The following LOC128092253 variants were observed in gnomAD, a reference collection of about 807,000 sequenced individuals.
the LOC128092253 span, among the ~76,000 whole-genome samples, chr6:133,954,089 T>G: frequency 2.6e-5 from 4 of 152,166 alleles, no homozygotes; most frequent in African/African-American, 9.7e-5. Flanking sequence ...GTAAATCTAA[T>G]AGGGCATGAG....
the LOC128092253 span, among the ~76,000 whole-genome samples, chr6:133,971,160 T>TA: frequency 3.3e-5 from 5 of 151,974 alleles, no homozygotes; most frequent in South Asian, 8.3e-4. Flanking sequence ...TTTTTTTTTT[T>TA]AAGATTCCAC....
At chr6:133,961,465 CTTTTTTTT>C in the LOC128092253 span, among the ~76,000 whole-genome samples, 2 of 100,206 alleles carry the variant, frequency 2.0e-5, no homozygotes, top group Admixed American at 1.1e-4. Context: ...TTCTTTCTTT[CTTTTTTTT>C]TTTTTTTTTT....
chr6:133,968,775 T>C, the LOC128092253 span: 1 of 152,210 alleles, frequency 6.6e-6, no homozygotes, highest in Non-Finnish European at 1.5e-5. Flanking sequence ...GTTCAAGCAG[T>C]TCTCTTGCCT....
the LOC128092253 span, among the ~76,000 whole-genome samples, chr6:133,957,219 G>T: frequency 1.3e-5 from 2 of 152,170 alleles, no homozygotes; most frequent in Non-Finnish European, 2.9e-5. Context: ...ATGTGCCTTT[G>T]TGTGGGAGTC....
the LOC128092253 span, among the ~76,000 whole-genome samples, chr6:133,968,383 A>G: frequency 0.02 from 3,048 of 152,316 alleles, 72 homozygotes; most frequent in East Asian, 0.11. Context: ...TCATATGCCA[A>G]ATTTCTCATC....
At chr6:133,964,575 G>A in the LOC128092253 span, among the ~76,000 whole-genome samples, 16 of 150,284 alleles carry the variant, frequency 1.1e-4, no homozygotes, top group Admixed American at 2.6e-4. Context: ...CTCAGCCTCC[G>A]AGTAGCTGGG....
chr6:133,975,653 A>G, the LOC128092253 span, among the ~76,000 whole-genome samples: 1 of 152,228 alleles, frequency 6.6e-6, no homozygotes, highest in Non-Finnish European at 1.5e-5. Flanking sequence ...GTATTAGCAA[A>G]CCAGATTCAT....
chr6:133,954,718 G>T, the LOC128092253 span, among the ~76,000 whole-genome samples: 4 of 152,168 alleles, frequency 2.6e-5, no homozygotes, highest in Non-Finnish European at 5.9e-5. Flanking sequence ...CACAGCTTCT[G>T]TTTGTTCCCC....
chr6:133,953,875 C>T, the LOC128092253 span, among the ~76,000 whole-genome samples: 16 of 152,178 alleles, frequency 1.1e-4, no homozygotes, highest in Admixed American at 1.0e-3. Flanking sequence ...AGCGGCTTCT[C>T]TAATAGCTCC....
chr6:133,961,499 TGCTCTGTC>T, the LOC128092253 span, among the ~76,000 whole-genome samples: 1 of 144,662 alleles, frequency 6.9e-6, no homozygotes, highest in South Asian at 2.2e-4. Flanking sequence ...GACGGAGTCG[TGCTCTGTC>T]ACCCATGCTA....
the LOC128092253 span, chr6:133,979,963 T>C: frequency 6.2e-6 from 5 of 811,296 alleles, no homozygotes; most frequent in Non-Finnish European, 8.6e-6. Flanking sequence ...ATGATTTGAT[T>C]CTAGTAACAT....
the LOC128092253 span, among the ~76,000 whole-genome samples, chr6:133,955,165 T>C: frequency 1.3e-5 from 2 of 151,212 alleles, no homozygotes; most frequent in Admixed American, 1.3e-4. Context: ...GGGTTATCTT[T>C]GTGCATATGA....
At chr6:133,964,512 A>G in the LOC128092253 span, among the ~76,000 whole-genome samples, 1 of 147,294 alleles carries the variant, frequency 6.8e-6, no homozygotes, top group Admixed American at 6.8e-5. Flanking sequence ...GTGCAGTGGC[A>G]CCATCTTGGC....
chr6:133,967,047 C>G, the LOC128092253 span, among the ~76,000 whole-genome samples: 1 of 152,204 alleles, frequency 6.6e-6, no homozygotes, highest in Non-Finnish European at 1.5e-5. Flanking sequence ...CCCTGCATTT[C>G]TAGCCTAGTC....
the LOC128092253 span, among the ~76,000 whole-genome samples, chr6:133,954,097 G>T: frequency 2.0e-5 from 3 of 152,204 alleles, no homozygotes; most frequent in East Asian, 3.8e-4. Flanking sequence ...AATAGGGCAT[G>T]AGGGCTTAAA....
the LOC128092253 span, among the ~76,000 whole-genome samples, chr6:133,955,289 C>CT: frequency 2.7e-5 from 4 of 150,234 alleles, no homozygotes; most frequent in African/African-American, 9.8e-5. Context: ...CCCTAGCTTC[C>CT]ACCTTTATTA....
At chr6:133,967,710 G>A in the LOC128092253 span, among the ~76,000 whole-genome samples, 12 of 152,252 alleles carry the variant, frequency 7.9e-5, no homozygotes, top group South Asian at 1.2e-3. Context: ...TAGAACTACG[G>A]TATTATAATA....
the LOC128092253 span, among the ~76,000 whole-genome samples, chr6:133,962,127 G>T: frequency 1.4e-4 from 21 of 152,294 alleles, no homozygotes; most frequent in South Asian, 1.5e-3. Flanking sequence ...GTGTAAAGCT[G>T]AGAATGTTAA....
At chr6:133,970,641 C>T in the LOC128092253 span, among the ~76,000 whole-genome samples, 4 of 151,142 alleles carry the variant, frequency 2.6e-5, no homozygotes, top group African/African-American at 7.3e-5. Context: ...CAGGGTCTCA[C>T]TCTGTCACCC....
Sources: allele counts gnomAD v4.1 joint callset (sites outside exome capture counted in the v4.1 genomes callset), GRCh38; gene constraint gnomAD v4.1.1; transcripts MANE v1.5.